The following DDX4 variants were observed in gnomAD, a reference collection of about 807,000 sequenced individuals.
DDX4 encodes DEAD-box helicase 4, also known as probable ATP-dependent RNA helicase DDX4.
DDX4 carries 25 observed loss-of-function variants against 100.0 expected under a neutral mutation model. The ratio of observed to expected loss-of-function variants is 0.25; its 90% CI spans 0.18 to 0.35. The LOEUF (loss-of-function observed/expected upper bound fraction) is 0.35, where lower values mean the gene tolerates loss of function less well. Ranked by LOEUF, DDX4 falls within the 10% of genes least tolerant of loss-of-function variation. The probability of loss-of-function intolerance (pLI) is 1.00; values close to 1 mark genes in which losing one functional copy is unlikely to be tolerated. For synonymous variants in DDX4, 259 were observed against 275.7 expected (o/e 0.94, Z 0.60); for missense variants, 635 against 882.4 (o/e 0.72, Z 3.55).
intron 19 of DDX4, among the ~76,000 whole-genome samples, chr5:55,814,106 A>T (rs1305621697): frequency 1.3e-5 from 2 of 152,146 alleles, no homozygotes; most frequent in Non-Finnish European, 2.9e-5. Flanking sequence ...GCTAAATCTA[A>T]TCTTTCTTAG....
intron 6 of DDX4, among the ~76,000 whole-genome samples, chr5:55,765,863 GGT>G (rs1740887026): frequency 6.6e-6 from 1 of 152,114 alleles, no homozygotes; most frequent in Non-Finnish European, 1.5e-5. Context: ...GGAGTGCAGT[GGT>G]ACAGTCTTGG....
At chr5:55,810,785 A>T (rs1008153004) in intron 18 of DDX4, among the ~76,000 whole-genome samples, 4 of 152,178 alleles carry the variant, frequency 2.6e-5, no homozygotes, top group Non-Finnish European at 5.9e-5. Context: ...TTCTTCTTCT[A>T]AATTTTTAAT....
chr5:55,811,484 T>C (rs1744120507), intron 18 of DDX4, among the ~76,000 whole-genome samples: 1 of 152,144 alleles, frequency 6.6e-6, no homozygotes. Flanking sequence ...TTTAATATGG[T>C]AAATATCAAA....
intron 15 of DDX4, among the ~76,000 whole-genome samples, chr5:55,788,965 C>A (rs1447526435): frequency 1.3e-5 from 2 of 151,788 alleles, no homozygotes; most frequent in Admixed American, 1.3e-4. Context: ...TACTTGGGAG[C>A]CTGAGAGATT....
Position 55,815,103 on chromosome 5 carries a change from G to A in DDX4, c.1918G>A (p.Ala640Thr). The part of the protein sequence containing the change: ...RTGRCGNTGR[A>T]ISFFDLESDN... ...TGGTCGTTGTGGGAATACTGGCAGA[G>A]CAATTTCCTTTTTTGATCTTGAATC... Residue 640 changes from alanine (A) to threonine (T), a missense_variant, in exon 20 of 22, where the codon GCA becomes ACA. Around this residue, in one of 4 missense-constraint regions of DDX4, gnomAD observed 73 missense variants for 98.5 expected, o/e 0.74. Coordinates refer to ENST00000505374, the MANE Select transcript of DDX4 (RefSeq NM_024415.3). 1 of 1,614,186 alleles carries A rather than the reference G, an allele frequency of 6.2e-7. No individual in the cohort carries two copies. Among genetic ancestry groups the A allele is most frequent in the Non-Finnish European group, 8.5e-7 (1 of 1,180,032 alleles).
intron 16 of DDX4, among the ~76,000 whole-genome samples, chr5:55,792,107 C>G (rs4546338): frequency 0.43 from 55,556 of 129,404 alleles, 12,624 homozygotes; most frequent in African/African-American, 0.61. Context: ...CTGGGCAACA[C>G]AGCAAGACTC....
chr5:55,809,029 C>T (rs956997441), intron 18 of DDX4, among the ~76,000 whole-genome samples: 15 of 152,250 alleles, frequency 9.9e-5, no homozygotes, highest in African/African-American at 2.9e-4. Context: ...GTGCCCCTCC[C>T]CTAGCTTCGC....
intron 15 of DDX4, among the ~76,000 whole-genome samples, chr5:55,789,598 A>C (rs1484371575): frequency 6.6e-6 from 1 of 152,254 alleles, no homozygotes; most frequent in African/African-American, 2.4e-5. Context: ...TGTAAGAAGC[A>C]AGTCACTAAG....
In DDX4 at chr5:55,792,752, A is replaced by G. The variant is rs139850021; in HGVS notation, c.1414A>G (p.Lys472Glu). ...KLISCPGMPS[K>E]EQRQTLMFSA... ...AATTTCTTGCCCAGGAATGCCATCA[A>G]AGGAACAGCGCCAAACCCTTATGTT... Residue 472 changes from lysine to glutamate, a missense_variant, in exon 17 of 22, where the codon AAG (lysine) becomes GAG (glutamate). Physicochemically the swap from Lys to Glu is moderately conservative, Grantham distance 56 (BLOSUM62 1). This residue lies in a region of DDX4 where 115 missense variants were observed against 224.7 expected (regional missense o/e 0.51). Coordinates refer to ENST00000505374, the MANE Select transcript of DDX4 (RefSeq NM_024415.3). 8.3e-3 allele frequency: 13,268 copies of G among 1,599,902 alleles called. 64 individuals are homozygous for G. The highest frequency in any genetic ancestry group is 9.9e-3 in the Non-Finnish European group (11,596 of 1,171,728).
At chr5:55,812,665 C>A (rs1023392394) in intron 18 of DDX4, among the ~76,000 whole-genome samples, 3 of 152,064 alleles carry the variant, frequency 2.0e-5, no homozygotes, top group Non-Finnish European at 1.5e-5. Flanking sequence ...TTCCTAGATA[C>A]CTGCACAGTT....
chr5:55,760,943 G>A (rs915127443), intron 4 of DDX4, among the ~76,000 whole-genome samples: 13 of 152,060 alleles, frequency 8.5e-5, no homozygotes, highest in African/African-American at 2.9e-4. Flanking sequence ...ATGCCATAGC[G>A]AGGGCTATTT....
chr5:55,792,600 A>T (rs1280120680), intron 16 of DDX4, 41 bp from the exon 17 acceptor site: 2 of 1,057,046 alleles, frequency 1.9e-6, no homozygotes, highest in East Asian at 2.9e-5. Context: ...AATATAAACT[A>T]ATATGCATTT....
intron 3 of DDX4, among the ~76,000 whole-genome samples, chr5:55,747,431 G>A (rs955396953): frequency 6.6e-6 from 1 of 152,150 alleles, no homozygotes; most frequent in African/African-American, 2.4e-5. Context: ...GCCTGTGCCT[G>A]TAGTCCTAAC....
intron 4 of DDX4, among the ~76,000 whole-genome samples, chr5:55,762,316 A>G (rs935099452): frequency 6.6e-6 from 1 of 152,062 alleles, no homozygotes; most frequent in Non-Finnish European, 1.5e-5. Flanking sequence ...TTGCTATCAC[A>G]TCTCTGCTCT....
At chr5:55,787,560 T>C (rs1229956937) in intron 14 of DDX4, among the ~76,000 whole-genome samples, 6 of 152,202 alleles carry the variant, frequency 3.9e-5, no homozygotes, top group Non-Finnish European at 8.8e-5. Flanking sequence ...TCTATAAATA[T>C]GCTAATGTTG....
chr5:55,741,179 G>A (rs187169127), intron 2 of DDX4, among the ~76,000 whole-genome samples: 117 of 152,268 alleles, frequency 7.7e-4, no homozygotes, highest in African/African-American at 2.6e-3. Context: ...ACTATAGCGT[G>A]TTGTGCATAT....
At chr5:55,768,305 C>T (rs952855941) in intron 7 of DDX4, among the ~76,000 whole-genome samples, 1 of 152,102 alleles carries the variant, frequency 6.6e-6, no homozygotes, top group African/African-American at 2.4e-5. Flanking sequence ...AAAGTAGGCC[C>T]CAGTGTCTGT....
chr5:55,787,196 C>A (rs766449000), intron 14 of DDX4, among the ~76,000 whole-genome samples: 4 of 152,150 alleles, frequency 2.6e-5, no homozygotes, highest in Non-Finnish European at 4.4e-5. Flanking sequence ...TTTCTATGAT[C>A]ATAGAGTCCA....
chr5:55,755,452 G>T (rs1043938198), intron 3 of DDX4, among the ~76,000 whole-genome samples: 4 of 152,052 alleles, frequency 2.6e-5, no homozygotes, highest in African/African-American at 2.4e-5. Context: ...TGTAGTAAAT[G>T]AATTTTTAAA....
Sources: allele counts gnomAD v4.1 joint callset (sites outside exome capture counted in the v4.1 genomes callset), GRCh38; gene constraint gnomAD v4.1.1; regional missense constraint gnomAD v4.1.1; transcripts MANE v1.5; gene names NCBI Gene and HGNC (gene_info 2026-07-23, HGNC 2026-07-21).